Variants in TRANK1 observed in about 807,000 individuals in gnomAD.
TRANK1 encodes tetratricopeptide repeat and ankyrin repeat containing 1.
TRANK1 carries 198 observed loss-of-function variants against 266.0 expected under a neutral mutation model. That is an observed-to-expected ratio of 0.74 (90% CI 0.66 to 0.84). The LOEUF (loss-of-function observed/expected upper bound fraction) is 0.84, where lower values mean the gene tolerates loss of function less well. TRANK1 is among the 40% of genes least tolerant of loss of function. The pLI is 0.00. For synonymous variants in TRANK1, 1,396 were observed against 1,384.1 expected, an observed-to-expected ratio of 1.01 and a Z score of -0.19; for missense variants, 3,326 against 3,634.6, an observed-to-expected ratio of 0.92 and a Z score of 2.18.
intron 8 of TRANK1, chr3:36,880,273 G>A (rs1018396526): frequency 1.4e-5 from 5 of 349,182 alleles, no homozygotes; most frequent in Non-Finnish European, 2.4e-5. Flanking sequence ...TCTTTTGCCA[G>A]CATCAAGTTG....
chr3:36,830,045 A>G (rs564750297), intron 22 of TRANK1, among the ~76,000 whole-genome samples: 7 of 152,230 alleles, frequency 4.6e-5, no homozygotes, highest in Non-Finnish European at 1.0e-4. Flanking sequence ...CTAGTAAAAA[A>G]GCCAAGGAAC....
intron 1 of TRANK1, among the ~76,000 whole-genome samples, chr3:36,915,716 T>A (rs1553630043): frequency 6.6e-6 from 1 of 152,118 alleles, no homozygotes; most frequent in African/African-American, 2.4e-5. Context: ...TTTCTTCTTA[T>A]GAAGAAAAAG....
chr3:36,833,118 A>G lies in TRANK1; in HGVS notation c.6465T>C (p.Asp2155=), dbSNP rs1457194031. The change falls in exon 22 of 24, where the codon GAT becomes GAC. Residue 2155 remains aspartate (D), a synonymous_variant. Coordinates refer to ENST00000645898, the MANE Select transcript of TRANK1 (RefSeq NM_001329998.2). ...CTTGGTCAGTCATTATCAAAAAATG[A>G]TCTTTTGTTTTTTTCTCTCTCAAGT... ...DLNLREKKTK[D]HFLIMTDQVK... 1.2e-6 allele frequency: 2 copies of G among 1,612,580 alleles called. No individual in the cohort carries two copies. Among genetic ancestry groups the G allele is most frequent in the Non-Finnish European group, 1.7e-6 (2 of 1,179,168 alleles).
At chr3:36,879,442 C>T (rs1378651852) in intron 8 of TRANK1, among the ~76,000 whole-genome samples, 6 of 150,282 alleles carry the variant, frequency 4.0e-5, no homozygotes, top group Non-Finnish European at 8.9e-5. Context: ...AACAACTCTC[C>T]CAATACCATT....
rs372590198 is a variant in TRANK1 at position 36,917,845 on chromosome 3, G to A, written c.24-9391C>T. On this transcript the variant is annotated intron_variant, in intron 1 of 23. Coordinates refer to ENST00000645898, the MANE Select transcript of TRANK1 (RefSeq NM_001329998.2). ...GATATACATACAATACAAAAAAAAG[G>A]ATATACAGTATTATCTGTGGTATTA... Among the ~76,000 whole-genome samples the A allele has an allele frequency of 2.6e-5, 4 of 152,132 alleles. No individual in the cohort carries two copies. In the South Asian group the frequency reaches 8.3e-4, roughly 31 times the overall value.
chr3:36,833,991 T>G (rs950956000), intron 21 of TRANK1, 72 bp from the exon 22 acceptor site: 74 of 1,433,838 alleles, frequency 5.2e-5, no homozygotes, highest in Non-Finnish European at 6.7e-5. Flanking sequence ...CAAAATACAG[T>G]GCAGAGCAAC....
intron 8 of TRANK1, among the ~76,000 whole-genome samples, chr3:36,879,748 A>G (rs1378622430): frequency 9.6e-6 from 1 of 104,362 alleles, no homozygotes; most frequent in Admixed American, 1.1e-4. Flanking sequence ...ATACAAATAT[A>G]TAAATATATA....
At position 36,831,341 on chromosome 3, in the gene TRANK1, T is replaced by A; in HGVS notation, c.8242A>T (p.Arg2748Trp). The A allele has an allele frequency of 6.2e-7, 1 of 1,613,540 alleles. No individual in the cohort carries two copies. The highest frequency in any genetic ancestry group is 8.5e-7 in the Non-Finnish European group (1 of 1,179,722). ...GCCCTGGGCTCCCTGGCCTCCTCCC[T>A]GACACGCTCCATCTGGGTGCCCACT... ...RRVGTQMERV[R>W]EEAREPRAGN... is the part of the protein sequence containing the mutation. Residue 2748 changes from arginine to tryptophan, a missense_variant, in exon 22 of 24, where the codon AGG (arginine) becomes TGG (tryptophan). By Grantham distance (101) the Arg-to-Trp change is moderately radical (BLOSUM62 -3). Transcript: ENST00000645898. The surrounding 1 kb of genome is among the most constrained non-coding windows in gnomAD (Gnocchi z 5.0).
intron 9 of TRANK1, among the ~76,000 whole-genome samples, chr3:36,868,905 T>G (rs1297253055): frequency 6.6e-6 from 1 of 152,208 alleles, no homozygotes. Context: ...TGATGTAAGC[T>G]GACTCGAAAA....
intron 8 of TRANK1, among the ~76,000 whole-genome samples, chr3:36,874,653 G>C (rs1445461499): frequency 6.6e-6 from 1 of 152,106 alleles, no homozygotes; most frequent in African/African-American, 2.4e-5. Flanking sequence ...ATTCCCTAGA[G>C]AGGAAACAAA....
At chr3:36,855,130 T>A in intron 13 of TRANK1, 43 bp downstream of exon 13, 1 of 1,546,686 alleles carries the variant, frequency 6.5e-7, no homozygotes, top group Non-Finnish European at 8.8e-7. Context: ...CCAAAGTCTG[T>A]GCCTAAGCAC....
intron 1 of TRANK1, among the ~76,000 whole-genome samples, chr3:36,912,590 AG>A (rs1366157391): frequency 6.6e-6 from 1 of 152,222 alleles, no homozygotes; most frequent in African/African-American, 2.4e-5. Context: ...CAGGCTGCTG[AG>A]CTACATATGA....
chr3:36,877,253 T>C (rs1325797234), intron 8 of TRANK1, among the ~76,000 whole-genome samples: 1 of 152,232 alleles, frequency 6.6e-6, no homozygotes, highest in Admixed American at 6.5e-5. Flanking sequence ...CTTTTACTTG[T>C]ACATCATAAA....
intron 1 of TRANK1, among the ~76,000 whole-genome samples, chr3:36,913,483 C>T (rs976380025): frequency 2.0e-5 from 3 of 150,928 alleles, no homozygotes; most frequent in Non-Finnish European, 4.4e-5. Context: ...CTCCTCTCCT[C>T]TCTTTCTTTC....
rs759575318 is a variant in TRANK1 at position 36,852,181 on chromosome 3, T to C, written c.4714A>G (p.Arg1572Gly). 1.6e-5 allele frequency: 26 copies of C among 1,604,578 alleles called. No individual in the cohort carries two copies. The highest frequency in any genetic ancestry group is 1.7e-6 in the Non-Finnish European group (2 of 1,177,800). The change falls in exon 14 of 24, where the codon AGG becomes GGG. Residue 1572 changes from arginine to glycine, a missense_variant. Coordinates refer to ENST00000645898, the MANE Select transcript of TRANK1 (RefSeq NM_001329998.2). ...CCAAATTCAATGGGCTGAGTTTTCC[T>C]TTTATTCCCTCGTAGCAAAATTGCC... ...DLAILLRGNK[R>G]KTQPIEFGAH...
At chr3:36,850,445 A>T (rs1049749448) in intron 15 of TRANK1, 1 of 985,312 alleles carries the variant, frequency 1.0e-6, no homozygotes, top group Non-Finnish European at 1.2e-6. Context: ...CTACATTACG[A>T]CTATGAGAAA....
intron 1 of TRANK1, among the ~76,000 whole-genome samples, chr3:36,921,169 C>T (rs1269089821): frequency 6.6e-6 from 1 of 152,106 alleles, no homozygotes; most frequent in Non-Finnish European, 1.5e-5. Flanking sequence ...ACTGTTAACC[C>T]CACCACTCTG....
chr3:36,921,484 C>T (rs1160577207), intron 1 of TRANK1, among the ~76,000 whole-genome samples: 1 of 152,204 alleles, frequency 6.6e-6, no homozygotes, highest in Admixed American at 6.5e-5. Flanking sequence ...AAGAGTACAG[C>T]TCTTTATCTC....
At chr3:36,880,400 A>T (rs1406257418) in intron 8 of TRANK1, 1 of 331,500 alleles carries the variant, frequency 3.0e-6, no homozygotes, top group Non-Finnish European at 6.3e-6. Context: ...TCTCAGCAGC[A>T]TCTCTTTCCT....
Sources: allele counts gnomAD v4.1 joint callset (sites outside exome capture counted in the v4.1 genomes callset), GRCh38; gene constraint gnomAD v4.1.1; non-coding constraint Gnocchi (gnomAD v3.1); transcripts MANE v1.5; gene names NCBI Gene and HGNC (gene_info 2026-07-23, HGNC 2026-07-21).